The following FMNL2 variants were observed in gnomAD, a reference collection of about 807,000 sequenced individuals.
FMNL2 encodes formin-like protein 2.
A neutral mutation model predicts 130.2 loss-of-function variants in FMNL2; 51 were observed. The ratio of observed to expected loss-of-function variants is 0.39; its 90% confidence interval spans 0.31 to 0.49. The LOEUF (loss-of-function observed/expected upper bound fraction) is 0.49, where lower values mean the gene tolerates loss of function less well. Ranked by LOEUF, FMNL2 falls within the 20% of genes least tolerant of loss-of-function variation. The pLI, the probability that FMNL2 is intolerant of heterozygous loss-of-function variation, is 0.85. For synonymous variants in FMNL2, 465 were observed against 467.1 expected (o/e 1.00, Z 0.06); for missense variants, 977 against 1,316.2 (o/e 0.74, Z 3.99).
chr2:152,556,827 C>T (rs1331503773), intron 4 of FMNL2, among the ~76,000 whole-genome samples: 2 of 152,064 alleles, frequency 1.3e-5, no homozygotes, highest in African/African-American at 2.4e-5. Flanking sequence ...TTAGTGTGTT[C>T]TTATGGGCCA....
At chr2:152,395,993 G>A (rs1391561909) in intron 1 of FMNL2, among the ~76,000 whole-genome samples, 1 of 152,228 alleles carries the variant, frequency 6.6e-6, no homozygotes, top group Non-Finnish European at 1.5e-5. Flanking sequence ...TTTCGACAGA[G>A]TCAGAAAGTC....
chr2:152,341,320 A>C (rs907461324), intron 1 of FMNL2, among the ~76,000 whole-genome samples: 1 of 152,206 alleles, frequency 6.6e-6, no homozygotes, highest in African/African-American at 2.4e-5. Flanking sequence ...TTTTCCTCCT[A>C]ATAATACCAG....
chr2:152,539,528 G>A (rs113707604), intron 2 of FMNL2: 74 of 152,304 alleles, frequency 4.9e-4, no homozygotes, highest in African/African-American at 1.7e-3. Context: ...GACCAACTGT[G>A]TTTTAAAGCA....
chr2:152,577,101 T>G (rs921743743), intron 7 of FMNL2, among the ~76,000 whole-genome samples: 11 of 152,128 alleles, frequency 7.2e-5, no homozygotes, highest in Non-Finnish European at 1.5e-5. Context: ...TTAGGAGGCT[T>G]TTAGCAGTAA....
At chr2:152,481,613 G>GACAGCC (rs753682684) in intron 1 of FMNL2, among the ~76,000 whole-genome samples, 1 of 152,284 alleles carries the variant, frequency 6.6e-6, no homozygotes, top group East Asian at 1.9e-4. Context: ...AGTCAGAATT[G>GACAGCC]ACAGCCACAG....
intron 8 of FMNL2, 69 bp downstream of exon 8, chr2:152,579,033 C>T: frequency 8.0e-7 from 1 of 1,252,516 alleles, no homozygotes; most frequent in Non-Finnish European, 1.1e-6. Context: ...CAACACTTAA[C>T]CAAGTTTGAC....
At chr2:152,541,472 G>T (rs972327853) in intron 2 of FMNL2, among the ~76,000 whole-genome samples, 1 of 152,010 alleles carries the variant, frequency 6.6e-6, no homozygotes, top group Non-Finnish European at 1.5e-5. Context: ...AGTTAAGCCC[G>T]AGAACCAGCA....
chr2:152,550,084 ATGT>A (rs937608781), intron 4 of FMNL2, among the ~76,000 whole-genome samples: 8 of 152,174 alleles, frequency 5.3e-5, no homozygotes, highest in African/African-American at 1.9e-4. Context: ...AAGTGAAATA[ATGT>A]TGTTATAAAA....
chr2:152,467,092 T>C (rs1405505790), intron 1 of FMNL2, among the ~76,000 whole-genome samples: 1 of 152,222 alleles, frequency 6.6e-6, no homozygotes, highest in East Asian at 1.9e-4. Flanking sequence ...CTTCACTGTG[T>C]TTCTGACACT....
intron 1 of FMNL2, among the ~76,000 whole-genome samples, chr2:152,343,109 C>A (rs1560281366): frequency 6.6e-6 from 1 of 152,040 alleles, no homozygotes; most frequent in Non-Finnish European, 1.5e-5. Flanking sequence ...CACATGTAAC[C>A]TTAGTCTCCT....
At chr2:152,447,266 A>T (rs970817351) in intron 1 of FMNL2, among the ~76,000 whole-genome samples, 5 of 152,036 alleles carry the variant, frequency 3.3e-5, no homozygotes, top group African/African-American at 1.2e-4. Flanking sequence ...ACACCTGGCT[A>T]ATTTTTAAAA....
chr2:152,511,624 A>G (rs745544832), intron 1 of FMNL2, among the ~76,000 whole-genome samples: 11 of 152,204 alleles, frequency 7.2e-5, no homozygotes, highest in Admixed American at 2.0e-4. Context: ...ATAAGATTGA[A>G]TAGTATGAGG....
chr2:152,531,542 T>A (rs766421353), intron 2 of FMNL2, among the ~76,000 whole-genome samples: 21 of 151,872 alleles, frequency 1.4e-4, no homozygotes, highest in Non-Finnish European at 2.5e-4. Context: ...TGGCACGATG[T>A]CGGATCATTG....
At chr2:152,394,352 A>G (rs1558824746) in intron 1 of FMNL2, among the ~76,000 whole-genome samples, 1 of 152,134 alleles carries the variant, frequency 6.6e-6, no homozygotes, top group Non-Finnish European at 1.5e-5. Flanking sequence ...CAGCAAACCA[A>G]TTGTGGGTTG....
chr2:152,587,305 C>G (rs76850962), intron 9 of FMNL2, among the ~76,000 whole-genome samples: 48 of 152,302 alleles, frequency 3.2e-4, no homozygotes, highest in African/African-American at 1.1e-3. Context: ...AATGGCTTCT[C>G]TTCTTGATGA....
At chr2:152,492,336 G>A (rs1279510645) in intron 1 of FMNL2, among the ~76,000 whole-genome samples, 1 of 152,086 alleles carries the variant, frequency 6.6e-6, no homozygotes, top group African/African-American at 2.4e-5. Context: ...ACTTCATTTC[G>A]GGGAAGATTT....
At chr2:152,647,433 CTATT>C (rs1275077677) in intron 25 of FMNL2, among the ~76,000 whole-genome samples, 1 of 152,144 alleles carries the variant, frequency 6.6e-6, no homozygotes, top group Non-Finnish European at 1.5e-5. Context: ...ATTGCAGTTA[CTATT>C]TATTCATTCA....
intron 16 of FMNL2, 54 bp from the exon 17 acceptor site, chr2:152,626,471 G>C: frequency 6.8e-7 from 1 of 1,469,376 alleles, no homozygotes; most frequent in East Asian, 2.5e-5. Flanking sequence ...GTGGCTTCCG[G>C]ACTTCATTTT....
intron 4 of FMNL2, among the ~76,000 whole-genome samples, chr2:152,557,907 T>A (rs1348628459): frequency 6.6e-6 from 1 of 152,180 alleles, no homozygotes; most frequent in Non-Finnish European, 1.5e-5. Flanking sequence ...GAAGGTTTAA[T>A]CAGGTACCAT....
Sources: allele counts gnomAD v4.1 joint callset (sites outside exome capture counted in the v4.1 genomes callset), GRCh38; gene constraint gnomAD v4.1.1; transcripts MANE v1.5; gene names NCBI Gene and HGNC (gene_info 2026-07-23, HGNC 2026-07-21).